Variants in SDK1 observed in about 807,000 individuals in gnomAD.
The protein encoded by SDK1 is protein sidekick-1.
In SDK1, 157 loss-of-function variants were observed where a neutral mutation model predicts 245.5. The ratio of observed to expected loss-of-function variants is 0.64; its 90% confidence interval spans 0.56 to 0.73. The LOEUF is 0.73. Ranked by LOEUF, SDK1 falls within the 30% of genes least tolerant of loss-of-function variation. The pLI, the probability that SDK1 is intolerant of heterozygous loss-of-function variation, is 0.00. For synonymous variants in SDK1, 1,647 were observed against 1,278.5 expected (o/e 1.29, Z -6.15); for missense variants, 3,583 against 3,002.3 (o/e 1.19, Z -4.52).
At chr7:3,467,838 A>G (rs1781056266) in intron 1 of SDK1, among the ~76,000 whole-genome samples, 1 of 152,146 alleles carries the variant, frequency 6.6e-6, no homozygotes, top group Non-Finnish European at 1.5e-5. Flanking sequence ...TTAGCATTAG[A>G]CTTTATTAGC....
intron 13 of SDK1, chr7:3,974,791 A>C: frequency 2.3e-6 from 1 of 435,132 alleles, no homozygotes. Flanking sequence ...ATTTCAGTTG[A>C]TCCTTTTTGT....
At chr7:3,588,269 C>T (rs1302823205) in intron 1 of SDK1, among the ~76,000 whole-genome samples, 3 of 152,176 alleles carry the variant, frequency 2.0e-5, no homozygotes, top group African/African-American at 7.2e-5. Context: ...AAATTTATAA[C>T]ATCAGATTAA....
intron 5 of SDK1, among the ~76,000 whole-genome samples, chr7:3,947,680 T>G (rs1323511632): frequency 6.6e-6 from 1 of 151,372 alleles, no homozygotes; most frequent in Non-Finnish European, 1.5e-5. Context: ...TATATCTTTT[T>G]AAAATATACA....
At chr7:3,952,538 G>A (rs531267886) in intron 7 of SDK1, among the ~76,000 whole-genome samples, 6 of 151,932 alleles carry the variant, frequency 3.9e-5, no homozygotes, top group Admixed American at 1.3e-4. Context: ...AGCCAAGATC[G>A]CATCATTGCA....
intron 17 of SDK1, among the ~76,000 whole-genome samples, chr7:4,031,654 A>G (rs1356702655): frequency 6.6e-6 from 1 of 152,210 alleles, no homozygotes; most frequent in African/African-American, 2.4e-5. Flanking sequence ...CTATCTACAT[A>G]TAAATATATG....
At chr7:3,978,427 A>T (rs1783138286) in intron 13 of SDK1, among the ~76,000 whole-genome samples, 1 of 152,254 alleles carries the variant, frequency 6.6e-6, no homozygotes, top group African/African-American at 2.4e-5. Context: ...ACGGTAAAAC[A>T]TCTCATCTCT....
chr7:3,334,653 G>T (rs1369096175), intron 1 of SDK1, among the ~76,000 whole-genome samples: 1 of 152,130 alleles, frequency 6.6e-6, no homozygotes, highest in Non-Finnish European at 1.5e-5. Context: ...CTACTTTCCT[G>T]TCTTGCTGGT....
intron 41 of SDK1, among the ~76,000 whole-genome samples, chr7:4,235,285 T>C (rs1436417776): frequency 6.6e-6 from 1 of 152,136 alleles, no homozygotes; most frequent in Non-Finnish European, 1.5e-5. Flanking sequence ...CTGCCTCAGC[T>C]CGCAAGCAGC....
At chr7:3,651,506 A>C (rs1364557237) in intron 4 of SDK1, among the ~76,000 whole-genome samples, 1 of 152,222 alleles carries the variant, frequency 6.6e-6, no homozygotes, top group African/African-American at 2.4e-5. Flanking sequence ...GAAATTACTC[A>C]GAATAAAACA....
intron 9 of SDK1, among the ~76,000 whole-genome samples, chr7:3,966,567 A>G (rs1015619164): frequency 2.6e-5 from 4 of 152,118 alleles, no homozygotes; most frequent in Admixed American, 2.6e-4. Flanking sequence ...ACCTCCCAGA[A>G]ATGTATCTTT....
chr7:4,142,573 C>T (rs571350905), intron 28 of SDK1, among the ~76,000 whole-genome samples: 2 of 152,066 alleles, frequency 1.3e-5, no homozygotes, highest in South Asian at 2.1e-4. Context: ...GTGATCCGCC[C>T]ACCTCGGCCT....
At chr7:3,763,181 AT>A (rs1027614227) in intron 4 of SDK1, among the ~76,000 whole-genome samples, 32 of 151,962 alleles carry the variant, frequency 2.1e-4, no homozygotes, top group Admixed American at 2.1e-3. Flanking sequence ...TCTTTAATAA[AT>A]TTTTTTGTCT....
chr7:3,854,105 G>A (rs913936990), intron 5 of SDK1, among the ~76,000 whole-genome samples: 3 of 152,162 alleles, frequency 2.0e-5, no homozygotes, highest in African/African-American at 7.2e-5. Context: ...TGGAATAGGG[G>A]TTATAACTTC....
rs562378301 is a variant in SDK1, at chr7:3,354,461, A to T, written c.298+52577A>T. 6.6e-5 allele frequency among the ~76,000 whole-genome samples: 10 copies of T among 152,334 alleles called. 1 individual carries two copies. In the South Asian group the frequency reaches 1.9e-3, roughly 28 times the overall value. Reference sequence around the variant, plus strand: ...TAGTTTTTCATTGGTTCCAATGATTATTCGAGAGTTTTCCGTGAAAGAAGT... The same window carrying T: ...TAGTTTTTCATTGGTTCCAATGATTTTTCGAGAGTTTTCCGTGAAAGAAGT... On this transcript the variant is annotated intron_variant, in intron 1 of 44. Transcript: ENST00000404826.
At chr7:3,637,118 G>A (rs552798157) in intron 2 of SDK1, among the ~76,000 whole-genome samples, 1 of 151,910 alleles carries the variant, frequency 6.6e-6, no homozygotes, top group Admixed American at 6.6e-5. Flanking sequence ...TGTGTTTTGA[G>A]AGAGTGTCTT....
chr7:3,598,985 G>C (rs1781162392), intron 1 of SDK1, among the ~76,000 whole-genome samples: 1 of 151,984 alleles, frequency 6.6e-6, no homozygotes, highest in Non-Finnish European at 1.5e-5. Flanking sequence ...ACAGTTGCTG[G>C]GTTGCATGGT....
chr7:3,787,385 G>C (rs1177208506), intron 4 of SDK1, among the ~76,000 whole-genome samples: 1 of 152,164 alleles, frequency 6.6e-6, no homozygotes, highest in African/African-American at 2.4e-5. Context: ...AAAGGTGACA[G>C]AGCGTAGCAA....
chr7:3,747,805 G>T (rs866117556), intron 4 of SDK1, among the ~76,000 whole-genome samples: 6 of 152,108 alleles, frequency 3.9e-5, no homozygotes, highest in Middle Eastern at 3.4e-3. Flanking sequence ...GGAGGATTAA[G>T]GTGTGAGGTA....
chr7:3,866,737 G>T (rs1468763269), intron 5 of SDK1, among the ~76,000 whole-genome samples: 1 of 152,204 alleles, frequency 6.6e-6, no homozygotes, highest in Non-Finnish European at 1.5e-5. Context: ...GAGTGGGGAA[G>T]TGTACTGTTC....
Sources: gnomAD v4.1 joint callset for allele counts (sites outside exome capture counted in the v4.1 genomes callset) on GRCh38, gnomAD v4.1.1 for gene constraint, MANE v1.5 for transcripts, NCBI Gene and HGNC (gene_info 2026-07-23, HGNC 2026-07-21) for gene names.